The following FBXL20 variants were observed in gnomAD, a reference collection of about 807,000 sequenced individuals.
The protein encoded by FBXL20 is F-box/LRR-repeat protein 20.
FBXL20 carries 11 observed loss-of-function variants against 64.0 expected under a neutral mutation model. The ratio of observed to expected loss-of-function variants is 0.17; its 90% CI spans 0.11 to 0.28. FBXL20 has a LOEUF of 0.28. Ranked by LOEUF, FBXL20 falls within the 10% of genes least tolerant of loss-of-function variation. FBXL20 has a pLI of 1.00. For missense variants in FBXL20, 303 were observed against 526.2 expected (o/e 0.58, Z 4.15); for synonymous variants, 184 against 189.0 (o/e 0.97, Z 0.22).
At chr17:39,357,878 A>C (rs1340166340) in intron 1 of FBXL20, among the ~76,000 whole-genome samples, 1 of 152,210 alleles carries the variant, frequency 6.6e-6, no homozygotes, top group African/African-American at 2.4e-5. Flanking sequence ...GCCTGCTAAC[A>C]AATTCTCTCA....
intron 2 of FBXL20, among the ~76,000 whole-genome samples, chr17:39,328,146 G>C (rs1373352228): frequency 2.7e-5 from 4 of 150,868 alleles, no homozygotes; most frequent in Non-Finnish European, 4.4e-5. Context: ...TACTTGGGAG[G>C]CTGCGGCAGG....
chr17:39,269,849 C>CA (rs1555602165), intron 11 of FBXL20, among the ~76,000 whole-genome samples: 1 of 152,158 alleles, frequency 6.6e-6, no homozygotes, highest in African/African-American at 2.4e-5. Context: ...GGGCTGGGCT[C>CA]AAGCGATCTG....
intron 3 of FBXL20, among the ~76,000 whole-genome samples, chr17:39,303,174 T>C (rs1024481712): frequency 6.6e-6 from 1 of 151,884 alleles, no homozygotes; most frequent in Non-Finnish European, 1.5e-5. Flanking sequence ...TCTTAGCAAA[T>C]GCAGTTTCAA....
chr17:39,295,804 T>C (rs928876239), intron 6 of FBXL20, among the ~76,000 whole-genome samples: 6 of 150,282 alleles, frequency 4.0e-5, no homozygotes, highest in Non-Finnish European at 5.9e-5. Flanking sequence ...TATATATATA[T>C]ATTAAGTCTT....
In FBXL20 at chr17:39,256,744, T is replaced by C. The variant is rs1382441251; in HGVS notation, c.*4716A>G. 2 of 152,160 alleles carry C rather than the reference T, an allele frequency of 1.3e-5. No homozygotes were observed. Among genetic ancestry groups the C allele is most frequent in the Admixed American group, 1.3e-4 (2 of 15,258 alleles). The allele number at this position is 152,160 out of a possible 1,614,324, so 9.4% of individuals were successfully genotyped here. A position where few individuals can be genotyped will look rare whatever the true frequency, so the allele number is the denominator to read the frequency against. On this transcript the variant is annotated 3_prime_UTR_variant, in exon 15 of 15. Coordinates refer to ENST00000264658, the MANE Select transcript of FBXL20 (RefSeq NM_032875.3). ...AACTGGCATGAGCCGCCTGTGACTT[T>C]CAGCACAATAAACATAAAATGGCCA...
At chr17:39,401,903 G>T (rs901460734), upstream of FBXL20, 26 of 409,228 alleles carry the variant, frequency 6.4e-5, no homozygotes, top group Middle Eastern at 6.5e-4. Flanking sequence ...GTGCCTGTGC[G>T]TGTGGAAAAG....
At chr17:39,273,657 T>A (rs1367540490) in intron 10 of FBXL20, among the ~76,000 whole-genome samples, 1 of 151,452 alleles carries the variant, frequency 6.6e-6, no homozygotes, top group African/African-American at 2.4e-5. Context: ...CCATCTCTAC[T>A]AAAAATACAA....
rs567139198 is a variant in FBXL20, at chr17:39,301,164, A to G, written c.160-89T>C. Reference sequence around the variant, plus strand: ...TTCAAGTTCACAATTCAACCAACTAATGACTAAAATGGATCCAAAAATTTA... The same window carrying G: ...TTCAAGTTCACAATTCAACCAACTAGTGACTAAAATGGATCCAAAAATTTA... On this transcript the variant is annotated intron_variant, in intron 3 of 14. Coordinates refer to ENST00000264658, the MANE Select transcript of FBXL20 (RefSeq NM_032875.3). The G allele has an allele frequency of 1.2e-4, 139 of 1,169,750 alleles. 1 individual carries two copies. The East Asian group carries it at 1.9e-3, about 16-fold the overall frequency. 72.5% of individuals were successfully genotyped at this position (1,169,750 alleles called of 1,614,324 possible).
chr17:39,341,502 T>C (rs1319565932), intron 2 of FBXL20, among the ~76,000 whole-genome samples: 2 of 152,174 alleles, frequency 1.3e-5, no homozygotes, highest in South Asian at 2.1e-4. Context: ...CTCTACACTG[T>C]AGTCAATGTT....
intron 2 of FBXL20, among the ~76,000 whole-genome samples, chr17:39,305,574 G>C (rs1483670315): frequency 6.6e-6 from 1 of 152,146 alleles, no homozygotes; most frequent in Non-Finnish European, 1.5e-5. Context: ...CTTTGGCTAG[G>C]CATGATGGCT....
At chr17:39,344,503 T>C (rs1369466648) in intron 1 of FBXL20, among the ~76,000 whole-genome samples, 4 of 152,166 alleles carry the variant, frequency 2.6e-5, no homozygotes, top group Admixed American at 6.5e-5. Context: ...TATTCACTTT[T>C]GGCCAGGCAC....
chr17:39,325,990 T>C (rs1465094849), intron 2 of FBXL20, among the ~76,000 whole-genome samples: 1 of 152,142 alleles, frequency 6.6e-6, no homozygotes. Context: ...ATGAATGGCT[T>C]AGTACTACCC....
intron 10 of FBXL20, among the ~76,000 whole-genome samples, chr17:39,272,384 C>CAA (rs61446377): frequency 1.5e-5 from 2 of 130,932 alleles, no homozygotes; most frequent in East Asian, 2.2e-4. Context: ...GACTTTGTCT[C>CAA]AAAAAAAAAA....
chr17:39,303,287 A>T (rs1316399022), intron 3 of FBXL20, among the ~76,000 whole-genome samples: 1 of 152,078 alleles, frequency 6.6e-6, no homozygotes, highest in Non-Finnish European at 1.5e-5. Context: ...ATAAAACAAG[A>T]TTTCATCACA....
At chr17:39,330,178 T>G (rs533188787) in intron 2 of FBXL20, among the ~76,000 whole-genome samples, 1 of 151,658 alleles carries the variant, frequency 6.6e-6, no homozygotes, top group African/African-American at 2.4e-5. Context: ...CTGCCTGTAA[T>G]CCCAGCTACT....
At chr17:39,276,248 CGGGAA>C (rs2046892017) in intron 9 of FBXL20, among the ~76,000 whole-genome samples, 1 of 83,900 alleles carries the variant, frequency 1.2e-5, no homozygotes, top group South Asian at 4.0e-4. Flanking sequence ...AAAAAAGGGA[CGGGAA>C]GGGAAGGGAG....
At chr17:39,286,113 G>A (rs2046986219) in intron 6 of FBXL20, among the ~76,000 whole-genome samples, 1 of 152,162 alleles carries the variant, frequency 6.6e-6, no homozygotes, top group African/African-American at 2.4e-5. Flanking sequence ...TGCTGGTCAA[G>A]TTCTCATTTT....
intron 6 of FBXL20, among the ~76,000 whole-genome samples, chr17:39,287,285 C>T (rs941502038): frequency 6.6e-6 from 1 of 152,014 alleles, no homozygotes; most frequent in African/African-American, 2.4e-5. Flanking sequence ...TAACTTTTCT[C>T]CAATTATATC....
At chr17:39,293,502 C>T (rs911979688) in intron 6 of FBXL20, among the ~76,000 whole-genome samples, 1 of 151,930 alleles carries the variant, frequency 6.6e-6, no homozygotes, top group Non-Finnish European at 1.5e-5. Context: ...AAATTGCAGG[C>T]GTGAGCCACC....
Sources: allele counts gnomAD v4.1 joint callset (sites outside exome capture counted in the v4.1 genomes callset), GRCh38; gene constraint gnomAD v4.1.1; transcripts MANE v1.5; gene names NCBI Gene and HGNC (gene_info 2026-07-23, HGNC 2026-07-21).